The following KDM6A variants were observed in gnomAD, a reference collection of about 807,000 sequenced individuals.
The protein encoded by KDM6A is lysine demethylase 6A.
A neutral mutation model predicts 117.6 loss-of-function variants in KDM6A; 11 were observed. That is an observed-to-expected ratio of 0.09 (90% confidence interval 0.06 to 0.15). The LOEUF is 0.15. KDM6A is among the 10% of genes least tolerant of loss of function. The probability of loss-of-function intolerance (pLI) is 1.00; values close to 1 mark genes in which losing one functional copy is unlikely to be tolerated. For synonymous variants in KDM6A, 384 were observed against 396.1 expected (o/e 0.97, Z 0.36); for missense variants, 799 against 1,077.3 (o/e 0.74, Z 3.62).
chrX:44,954,777 A>G lies in KDM6A; in HGVS notation c.226-6507A>G, dbSNP rs142158721. On this transcript the variant is annotated intron_variant, in intron 2 of 29. Transcript: ENST00000611820. The stretch of plus-strand genomic sequence containing the variant: ...GCTGGGAAGCATGACAATAAATAGC[A>G]TTGCTGGAAGAGTGGGTTTTGTTTG... 3.5e-3 allele frequency among the ~76,000 whole-genome samples: 385 copies of G among 111,486 alleles called. 2 individuals carry two copies. Among genetic ancestry groups the G allele is most frequent in the African/African-American group, 0.012 (360 of 30,691 alleles).
intron 2 of KDM6A, among the ~76,000 whole-genome samples, chrX:44,901,265 C>T (rs2034324174): frequency 9.1e-6 from 1 of 110,392 alleles, no homozygotes; most frequent in African/African-American, 3.3e-5. Flanking sequence ...CCTGTAATCT[C>T]AGCTGCTCGG....
intron 2 of KDM6A, among the ~76,000 whole-genome samples, chrX:44,888,406 G>A (rs1473514352): frequency 3.6e-5 from 4 of 112,339 alleles, no homozygotes; most frequent in African/African-American, 1.3e-4. Context: ...TTAAAATGAA[G>A]GGCTAGGAAT....
chrX:44,950,275 A>G (rs746080383), intron 2 of KDM6A, among the ~76,000 whole-genome samples: 13 of 111,276 alleles, frequency 1.2e-4, no homozygotes, highest in African/African-American at 3.9e-4. Flanking sequence ...CGGCCTCCCA[A>G]AGTGCTGGGA....
At chrX:45,048,201 G>C (rs2043666718) in intron 8 of KDM6A, among the ~76,000 whole-genome samples, 1 of 105,763 alleles carries the variant, frequency 9.5e-6, no homozygotes, top group Non-Finnish European at 1.9e-5. Flanking sequence ...CAACATCTGA[G>C]TAATTTCACA....
chrX:45,029,310 C>G lies in KDM6A; in HGVS notation c.565-5621C>G, dbSNP rs765106455. ...AATAAGCCGGCATGGTGGCAGGTGT[C>G]TGTAATCCCAGCTACTCGGGAGGCT... On this transcript the variant is annotated intron_variant, in intron 6 of 29. Transcript: ENST00000611820. 2.1e-3 allele frequency among the ~76,000 whole-genome samples: 235 copies of G among 111,033 alleles called. 1 individual carries two copies. Among genetic ancestry groups the G allele is most frequent in the African/African-American group, 7.3e-3 (223 of 30,512 alleles).
intron 8 of KDM6A, among the ~76,000 whole-genome samples, chrX:45,043,304 C>T (rs1467018751): frequency 9.3e-6 from 1 of 107,487 alleles, no homozygotes; most frequent in Non-Finnish European, 1.9e-5. Context: ...AAAAAGGAAA[C>T]GAAAAAAAAG....
At chrX:44,967,505 TCTGAAG>T (rs924695572) in intron 3 of KDM6A, among the ~76,000 whole-genome samples, 3 of 112,098 alleles carry the variant, frequency 2.7e-5, no homozygotes, top group African/African-American at 9.7e-5. Context: ...GCCTTGTTCT[TCTGAAG>T]ACAGCCCTGT....
chrX:44,876,920 CAT>C (rs917073121), intron 2 of KDM6A, among the ~76,000 whole-genome samples: 17 of 111,082 alleles, frequency 1.5e-4, no homozygotes, highest in Non-Finnish European at 2.5e-4. Context: ...CGTATACACA[CAT>C]ATACATATAC....
intron 4 of KDM6A, among the ~76,000 whole-genome samples, chrX:44,994,656 G>A (rs2040779896): frequency 9.0e-6 from 1 of 111,603 alleles, no homozygotes; most frequent in South Asian, 3.7e-4. Context: ...TCTCAACAAG[G>A]CAAGGTACTT....
intron 4 of KDM6A, among the ~76,000 whole-genome samples, chrX:44,988,527 C>A (rs1469638639): frequency 9.0e-6 from 1 of 110,903 alleles, no homozygotes; most frequent in African/African-American, 3.3e-5. Context: ...TGTTTTTTCC[C>A]CATCTTTGTG....
intron 8 of KDM6A, among the ~76,000 whole-genome samples, chrX:45,050,065 C>T (rs1456066704): frequency 8.9e-6 from 1 of 112,937 alleles, no homozygotes; most frequent in Non-Finnish European, 1.9e-5. Flanking sequence ...GATCGCTGGA[C>T]GCGGTGGCTC....
intron 2 of KDM6A, among the ~76,000 whole-genome samples, chrX:44,940,912 G>A (rs765666549): frequency 5.4e-5 from 6 of 111,299 alleles, no homozygotes; most frequent in African/African-American, 2.0e-4. Context: ...GCGTATGCCT[G>A]TAATCCCAGC....
At chrX:45,107,386 C>T in intron 27 of KDM6A, 24 bp from the exon 28 acceptor site, 1 of 1,199,455 alleles carries the variant, frequency 8.3e-7, no homozygotes, top group Non-Finnish European at 1.1e-6. Context: ...TTGCTGGTCA[C>T]AAATAATTTC....
chrX:45,083,874 ACT>A (rs938140130), intron 24 of KDM6A, among the ~76,000 whole-genome samples: 2 of 110,870 alleles, frequency 1.8e-5, no homozygotes, highest in African/African-American at 6.6e-5. Context: ...TGGCCTGAAG[ACT>A]CTGTTGTCAA....
intron 10 of KDM6A, among the ~76,000 whole-genome samples, chrX:45,054,911 A>T (rs972322001): frequency 2.7e-5 from 3 of 111,723 alleles, no homozygotes; most frequent in Admixed American, 1.9e-4. Flanking sequence ...TATTTCTTTC[A>T]TCACAGCTGT....
intron 4 of KDM6A, among the ~76,000 whole-genome samples, chrX:44,976,569 A>T (rs868250265): frequency 9.0e-5 from 10 of 111,473 alleles, no homozygotes; most frequent in African/African-American, 2.9e-4. Context: ...ATGCCATGTA[A>T]TTGATTGCTA....
Position 45,079,305 on chromosome X carries a change from C to A in KDM6A, c.3254C>A (p.Ala1085Asp), listed in dbSNP as rs150408847. ...AGTAATAGATCTCATACTACAATTG[C>A]TAAATATGCACAGTACCAGGCCTCC... ...CESNRSHTTI[A>D]KYAQYQASSF... The change falls in exon 21 of 30, where the codon GCT becomes GAT. Residue 1085 changes from alanine to aspartate, a missense_variant. Physicochemically the swap from Ala to Asp is moderately radical, Grantham distance 126. Transcript: ENST00000611820. The A allele has an allele frequency of 2.1e-4, 253 of 1,198,977 alleles. No individual in the cohort carries two copies. Among genetic ancestry groups the A allele is most frequent in the Non-Finnish European group, 2.8e-4 (248 of 885,957 alleles).
At chrX:45,093,382 A>G (rs2045971128) in intron 27 of KDM6A, among the ~76,000 whole-genome samples, 2 of 106,984 alleles carry the variant, frequency 1.9e-5, no homozygotes, top group African/African-American at 7.0e-5. Context: ...CTCAAAAAAA[A>G]AACAAACAAA....
intron 27 of KDM6A, among the ~76,000 whole-genome samples, chrX:45,097,001 A>G (rs1229993122): frequency 1.8e-5 from 2 of 112,290 alleles, no homozygotes; most frequent in Admixed American, 1.9e-4. Context: ...GAAAATGTAT[A>G]TATACACCAT....
Sources: gnomAD v4.1 joint callset for allele counts (sites outside exome capture counted in the v4.1 genomes callset) on GRCh38, gnomAD v4.1.1 for gene constraint, MANE v1.5 for transcripts, NCBI Gene and HGNC (gene_info 2026-07-23, HGNC 2026-07-21) for gene names.